The following TRPC7 variants were observed in gnomAD, a reference collection of about 807,000 sequenced individuals.
The protein encoded by TRPC7 is short transient receptor potential channel 7.
In TRPC7, 42 loss-of-function variants were observed where a neutral mutation model predicts 90.1. The observed-to-expected ratio is 0.47, with a 90% CI of 0.36 to 0.60. TRPC7 has a LOEUF of 0.60. TRPC7 is among the 20% of genes least tolerant of loss of function. TRPC7 has a pLI of 0.00. For missense variants in TRPC7, 955 were observed against 1,112.3 expected (o/e 0.86, Z 2.01); for synonymous variants, 451 against 436.3 (o/e 1.03, Z -0.42).
At chr5:136,288,949 C>A (rs999486090) in intron 3 of TRPC7, among the ~76,000 whole-genome samples, 5 of 152,164 alleles carry the variant, frequency 3.3e-5, no homozygotes, top group Admixed American at 1.3e-4. Context: ...CTTGTTGGAA[C>A]TTTGTCTTTG....
At chr5:136,327,843 T>G (rs868471046) in intron 2 of TRPC7, among the ~76,000 whole-genome samples, 3 of 152,168 alleles carry the variant, frequency 2.0e-5, no homozygotes, top group African/African-American at 7.2e-5. Context: ...TTTCTGCACA[T>G]CCCCAACTCA....
At chr5:136,265,470 T>G (rs1756992903) in intron 5 of TRPC7, among the ~76,000 whole-genome samples, 1 of 152,224 alleles carries the variant, frequency 6.6e-6, no homozygotes, top group Non-Finnish European at 1.5e-5. Context: ...AGACTGATTT[T>G]TTTTTAACCA....
intron 2 of TRPC7, among the ~76,000 whole-genome samples, chr5:136,344,823 A>G (rs1759955282): frequency 6.6e-6 from 1 of 152,242 alleles, no homozygotes; most frequent in Non-Finnish European, 1.5e-5. Flanking sequence ...TATCACTAAG[A>G]GAATGAGCCA....
At position 136,355,371 on chromosome 5, in the gene TRPC7, T is replaced by A. The variant is rs528035450; in HGVS notation, c.780+1237A>T. ...GTTTCGCTATTTACTAGCTATGTGA[T>A]CCTCTCTCTACTTCTGTGCCGTCAT... On this transcript the variant is annotated intron_variant, in intron 2 of 11. Transcript: ENST00000513104. 3.9e-5 allele frequency among the ~76,000 whole-genome samples: 6 copies of A among 152,336 alleles called. No homozygotes were observed. The South Asian group carries it at 1.2e-3, about 32-fold the overall frequency.
At chr5:136,348,688 G>A (rs370645300) in intron 2 of TRPC7, among the ~76,000 whole-genome samples, 3 of 152,142 alleles carry the variant, frequency 2.0e-5, no homozygotes, top group African/African-American at 7.2e-5. Flanking sequence ...GGAATTTTCA[G>A]ATGGCTCTGT....
intron 2 of TRPC7, among the ~76,000 whole-genome samples, chr5:136,334,540 CCTT>C (rs1241398071): frequency 1.2e-4 from 19 of 152,208 alleles, no homozygotes; most frequent in African/African-American, 4.1e-4. Flanking sequence ...GAACTCTACT[CCTT>C]CTCAAGACAA....
At chr5:136,340,115 A>G (rs1383782673) in intron 2 of TRPC7, among the ~76,000 whole-genome samples, 2 of 152,228 alleles carry the variant, frequency 1.3e-5, no homozygotes, top group African/African-American at 2.4e-5. Context: ...TGGTATATAT[A>G]CACATTGGAA....
chr5:136,362,427 A>G (rs1760596911), intron 1 of TRPC7, among the ~76,000 whole-genome samples: 1 of 152,222 alleles, frequency 6.6e-6, no homozygotes, highest in Non-Finnish European at 1.5e-5. Flanking sequence ...GTAATGATGA[A>G]TGAATTGTAA....
chr5:136,224,570 G>A (rs183773256), intron 10 of TRPC7, among the ~76,000 whole-genome samples: 29 of 152,200 alleles, frequency 1.9e-4, no homozygotes, highest in East Asian at 7.7e-4. Flanking sequence ...CACCCTGCTC[G>A]TACCCCAATC....
intron 2 of TRPC7, among the ~76,000 whole-genome samples, chr5:136,317,074 G>GA (rs1759047123): frequency 2.0e-5 from 3 of 152,172 alleles, no homozygotes; most frequent in Admixed American, 1.3e-4. Context: ...TGGGAAAAGG[G>GA]AAAAGATCAA....
chr5:136,261,780 G>T (rs1249611190), intron 5 of TRPC7, among the ~76,000 whole-genome samples: 3 of 152,162 alleles, frequency 2.0e-5, no homozygotes, highest in African/African-American at 7.2e-5. Context: ...TAAATGCATT[G>T]ATATGTCCAA....
intron 2 of TRPC7, among the ~76,000 whole-genome samples, chr5:136,330,022 T>C (rs979849624): frequency 6.6e-6 from 1 of 152,136 alleles, no homozygotes; most frequent in Admixed American, 6.5e-5. Flanking sequence ...AGGTTAGTGC[T>C]CCATGGTAGA....
At chr5:136,320,158 CA>C (rs57669749) in intron 2 of TRPC7, among the ~76,000 whole-genome samples, 4,542 of 142,516 alleles carry the variant, frequency 0.032, 101 homozygotes, top group African/African-American at 0.056. Flanking sequence ...TTGTCCTAGA[CA>C]AAAAAAAAAA....
intron 3 of TRPC7, among the ~76,000 whole-genome samples, chr5:136,300,773 AG>A (rs1267134742): frequency 6.6e-5 from 10 of 152,200 alleles, no homozygotes; most frequent in African/African-American, 2.2e-4. Flanking sequence ...GGGCAGTTAC[AG>A]GTACTTAGAG....
chr5:136,289,583 G>A (rs1490513478), intron 3 of TRPC7, among the ~76,000 whole-genome samples: 3 of 152,268 alleles, frequency 2.0e-5, no homozygotes, highest in Non-Finnish European at 2.9e-5. Context: ...CAAGGTGGAA[G>A]TGAGGCTGGG....
chr5:136,321,302 T>A (rs2149841648), intron 2 of TRPC7, among the ~76,000 whole-genome samples: 1 of 152,286 alleles, frequency 6.6e-6, no homozygotes, highest in African/African-American at 2.4e-5. Flanking sequence ...TAAGGATATA[T>A]GAATCCCTGA....
chr5:136,265,301 A>C (rs1756986660), intron 5 of TRPC7, among the ~76,000 whole-genome samples: 1 of 152,182 alleles, frequency 6.6e-6, no homozygotes, highest in Non-Finnish European at 1.5e-5. Flanking sequence ...TTGATACTGT[A>C]CTAATTTTTT....
intron 4 of TRPC7, among the ~76,000 whole-genome samples, chr5:136,270,972 T>C (rs1167465801): frequency 6.6e-6 from 1 of 152,022 alleles, no homozygotes; most frequent in Non-Finnish European, 1.5e-5. Flanking sequence ...GAGATAAATG[T>C]GGAGAAAAAG....
At chr5:136,350,000 A>ATAG (rs1049338768) in intron 2 of TRPC7, among the ~76,000 whole-genome samples, 2 of 152,218 alleles carry the variant, frequency 1.3e-5, no homozygotes, top group Non-Finnish European at 2.9e-5. Context: ...AGTGTTCAGT[A>ATAG]TAGTAACATG....
Sources: gnomAD v4.1 joint callset for allele counts (sites outside exome capture counted in the v4.1 genomes callset) on GRCh38, gnomAD v4.1.1 for gene constraint, MANE v1.5 for transcripts, NCBI Gene and HGNC (gene_info 2026-07-23, HGNC 2026-07-21) for gene names.